The following RGS6 variants were observed in gnomAD, a reference collection of about 807,000 sequenced individuals.
RGS6 encodes regulator of G protein signaling 6, also known as regulator of G-protein signaling 6.
A neutral mutation model predicts 78.5 loss-of-function variants in RGS6; 30 were observed. That is an observed-to-expected ratio of 0.38 (90% confidence interval 0.29 to 0.52). The LOEUF (loss-of-function observed/expected upper bound fraction) is 0.52, where lower values mean the gene tolerates loss of function less well. Ranked by LOEUF, RGS6 falls within the 20% of genes least tolerant of loss-of-function variation. The pLI is 0.85. For synonymous variants in RGS6, 206 were observed against 206.0 expected, an observed-to-expected ratio of 1.00 and a Z score of 0.00; for missense variants, 495 against 609.7, an observed-to-expected ratio of 0.81 and a Z score of 1.98.
At chr14:71,906,184 T>C in the RGS6 span, among the ~76,000 whole-genome samples, 1 of 152,230 alleles carries the variant, frequency 6.6e-6, no homozygotes, top group Admixed American at 6.5e-5. Flanking sequence ...TCGCAGTAAT[T>C]GCTGTTTTAA....
chr14:72,582,866 A>G, the RGS6 span, among the ~76,000 whole-genome samples: 1 of 152,084 alleles, frequency 6.6e-6, no homozygotes, highest in African/African-American at 2.4e-5. Flanking sequence ...GAAACCCAGA[A>G]AGCTGATTAA....
chr14:72,462,418 C>G (rs2095804680), intron 6 of RGS6, among the ~76,000 whole-genome samples: 1 of 152,122 alleles, frequency 6.6e-6, no homozygotes, highest in Non-Finnish European at 1.5e-5. Flanking sequence ...AACACACTTT[C>G]CCAAGTTTTT....
At chr14:72,397,736 T>C (rs1024425461) in intron 3 of RGS6, among the ~76,000 whole-genome samples, 7 of 152,258 alleles carry the variant, frequency 4.6e-5, no homozygotes, top group African/African-American at 1.7e-4. Flanking sequence ...CAATACCTAA[T>C]TTATTGAGAG....
chr14:71,961,511 G>C (rs555634322), intron 1 of RGS6, among the ~76,000 whole-genome samples: 1 of 152,132 alleles, frequency 6.6e-6, no homozygotes, highest in East Asian at 1.9e-4. Context: ...GGCACAGAGA[G>C]GAGAAGGAAC....
At chr14:72,449,960 G>T (rs935748693) in intron 3 of RGS6, among the ~76,000 whole-genome samples, 1 of 152,172 alleles carries the variant, frequency 6.6e-6, no homozygotes, top group African/African-American at 2.4e-5. Flanking sequence ...GGCCTCAGAG[G>T]CCAGCTCTTT....
intron 17 of RGS6, among the ~76,000 whole-genome samples, chr14:72,543,535 C>T (rs1323698260): frequency 1.3e-5 from 2 of 152,210 alleles, no homozygotes; most frequent in Non-Finnish European, 1.5e-5. Flanking sequence ...CTGTGGGTTG[C>T]CTTTGCTTCA....
At chr14:72,402,090 A>G (rs1407589711) in intron 3 of RGS6, among the ~76,000 whole-genome samples, 1 of 152,174 alleles carries the variant, frequency 6.6e-6, no homozygotes, top group Non-Finnish European at 1.5e-5. Flanking sequence ...ATCGGGCAGG[A>G]AGGGAGCTGA....
chr14:72,172,501 T>C (rs2153684974), intron 2 of RGS6, among the ~76,000 whole-genome samples: 1 of 152,234 alleles, frequency 6.6e-6, no homozygotes, highest in East Asian at 1.9e-4. Flanking sequence ...TTATGTATAT[T>C]ATTATATACA....
intron 11 of RGS6, among the ~76,000 whole-genome samples, chr14:72,478,046 G>C (rs1274779865): frequency 2.6e-5 from 4 of 152,120 alleles, no homozygotes. Context: ...CACAGTATAG[G>C]AGGAGATGAG....
At chr14:71,887,942 C>T in the RGS6 span, among the ~76,000 whole-genome samples, 2 of 152,164 alleles carry the variant, frequency 1.3e-5, no homozygotes, top group Admixed American at 1.3e-4. Context: ...ACCCCTTCCC[C>T]TTTTGAAACC....
intron 1 of RGS6, among the ~76,000 whole-genome samples, chr14:71,941,928 C>G (rs543625147): frequency 6.6e-6 from 1 of 152,192 alleles, no homozygotes; most frequent in South Asian, 2.1e-4. Context: ...CAGGCTTTCA[C>G]AGTAAGCTCC....
intron 2 of RGS6, among the ~76,000 whole-genome samples, chr14:72,069,347 C>G (rs377705826): frequency 6.6e-6 from 1 of 152,108 alleles, no homozygotes; most frequent in East Asian, 1.9e-4. Flanking sequence ...CCCTATTTCT[C>G]TCTTTTAGCA....
intron 3 of RGS6, among the ~76,000 whole-genome samples, chr14:72,386,151 A>G (rs577817485): frequency 2.6e-5 from 4 of 152,034 alleles, no homozygotes; most frequent in African/African-American, 7.2e-5. Flanking sequence ...GTCTAGTCCT[A>G]ACACTGACTT....
chr14:72,250,103 G>T (rs2055290444), intron 2 of RGS6, among the ~76,000 whole-genome samples: 1 of 114,276 alleles, frequency 8.8e-6, no homozygotes, highest in South Asian at 3.6e-4. Flanking sequence ...GGTGGGGGGA[G>T]GGGGGAGGGA....
the RGS6 span, among the ~76,000 whole-genome samples, chr14:72,577,237 G>T: frequency 6.6e-6 from 1 of 152,194 alleles, no homozygotes; most frequent in South Asian, 2.1e-4. Flanking sequence ...TCTATTCATA[G>T]CCATATGTAA....
chr14:72,315,469 T>C (rs1435009706), intron 2 of RGS6, among the ~76,000 whole-genome samples: 1 of 152,236 alleles, frequency 6.6e-6, no homozygotes, highest in Non-Finnish European at 1.5e-5. Context: ...TCATGAAATC[T>C]GTAGGTGAAC....
chr14:72,248,253 T>C (rs1256650080), intron 2 of RGS6, among the ~76,000 whole-genome samples: 1 of 152,208 alleles, frequency 6.6e-6, no homozygotes, highest in Non-Finnish European at 1.5e-5. Context: ...ACTATCATTA[T>C]AGATTTAGCG....
intron 1 of RGS6, among the ~76,000 whole-genome samples, chr14:71,960,455 A>G (rs2093109698): frequency 6.6e-6 from 1 of 152,130 alleles, no homozygotes; most frequent in Non-Finnish European, 1.5e-5. Flanking sequence ...TGGAAGGAGG[A>G]CACTGCATCC....
chr14:72,538,036 A>G (rs1009861115), intron 16 of RGS6, among the ~76,000 whole-genome samples: 1 of 152,212 alleles, frequency 6.6e-6, no homozygotes, highest in Admixed American at 6.5e-5. Context: ...GAAGTAAGGG[A>G]TGTTCTTGAG....
Sources: allele counts gnomAD v4.1 joint callset (sites outside exome capture counted in the v4.1 genomes callset), GRCh38; gene constraint gnomAD v4.1.1; transcripts MANE v1.5; gene names NCBI Gene and HGNC (gene_info 2026-07-23, HGNC 2026-07-21).